FER: variants seen among roughly 807,000 people sequenced by gnomAD.
FER encodes the protein tyrosine-protein kinase Fer.
Under a neutral mutation model 111.0 loss-of-function variants are expected in FER, and 63 were observed. The ratio of observed to expected loss-of-function variants is 0.57; its 90% CI spans 0.46 to 0.70. The LOEUF (loss-of-function observed/expected upper bound fraction) is 0.70. FER is among the 30% of genes least tolerant of loss of function. FER has a pLI of 0.00. For missense variants in FER, 914 were observed against 954.0 expected (o/e 0.96, Z 0.55); for synonymous variants, 327 against 313.9 (o/e 1.04, Z -0.44).
chr5:109,052,234 A>G, intron 16 of FER: 1 of 1,607,328 alleles, frequency 6.2e-7, no homozygotes, highest in South Asian at 1.1e-5. Flanking sequence ...CCAGAAGCGC[A>G]CATGAGAGAT....
intron 5 of FER, among the ~76,000 whole-genome samples, chr5:108,856,848 A>C (rs188059368): frequency 6.6e-6 from 1 of 152,210 alleles, no homozygotes; most frequent in Non-Finnish European, 1.5e-5. Flanking sequence ...AATTAAAACT[A>C]AATTTTCTTT....
At chr5:108,884,995 C>G (rs905754643) in intron 9 of FER, among the ~76,000 whole-genome samples, 1 of 151,968 alleles carries the variant, frequency 6.6e-6, no homozygotes, top group African/African-American at 2.4e-5. Context: ...TTAATCCTCT[C>G]TTTCTGGCCA....
chr5:108,820,330 C>T (rs925557414), intron 3 of FER: 14 of 985,166 alleles, frequency 1.4e-5, no homozygotes, highest in Non-Finnish European at 1.4e-5. Context: ...GTATTTTATT[C>T]AATGCTTAAT....
chr5:108,822,286 C>T (rs1758930132), intron 3 of FER, among the ~76,000 whole-genome samples: 1 of 151,980 alleles, frequency 6.6e-6, no homozygotes, highest in African/African-American at 2.4e-5. Context: ...AGGGTTGTTC[C>T]TATATCTTGC....
intron 10 of FER, among the ~76,000 whole-genome samples, chr5:108,944,367 G>A (rs538640907): frequency 3.3e-5 from 5 of 152,002 alleles, no homozygotes; most frequent in African/African-American, 1.2e-4. Context: ...TACCTCCATT[G>A]TGAGGGGCCA....
At chr5:108,942,514 A>G (rs999006754) in intron 10 of FER, among the ~76,000 whole-genome samples, 6 of 152,196 alleles carry the variant, frequency 3.9e-5, no homozygotes, top group Non-Finnish European at 5.9e-5. Context: ...CTGAGTTACT[A>G]GAGAGTGAAT....
chr5:109,040,627 G>A (rs1330640275), intron 14 of FER, among the ~76,000 whole-genome samples: 2 of 152,106 alleles, frequency 1.3e-5, no homozygotes, highest in South Asian at 2.1e-4. Flanking sequence ...GAGAATTAGC[G>A]ATAGCAAAGA....
chr5:108,784,717 C>T (rs968054152), intron 2 of FER, among the ~76,000 whole-genome samples: 9 of 152,142 alleles, frequency 5.9e-5, no homozygotes, highest in Admixed American at 1.3e-4. Context: ...GTATTCCTTA[C>T]GGGAAACAAA....
chr5:108,881,142 A>G (rs944942091), intron 8 of FER, among the ~76,000 whole-genome samples: 10 of 152,210 alleles, frequency 6.6e-5, no homozygotes, highest in African/African-American at 9.6e-5. Context: ...GTGCACTCAC[A>G]TATAAACACA....
intron 5 of FER, among the ~76,000 whole-genome samples, chr5:108,849,102 A>G (rs1223435002): frequency 6.6e-6 from 1 of 152,068 alleles, no homozygotes; most frequent in Admixed American, 6.5e-5. Flanking sequence ...AAGCAATTCT[A>G]TCATGATTTA....
At chr5:109,091,143 C>G (rs1307611147) in intron 16 of FER, among the ~76,000 whole-genome samples, 5 of 152,180 alleles carry the variant, frequency 3.3e-5, no homozygotes, top group Non-Finnish European at 2.9e-5. Context: ...AGAGGCTATT[C>G]ATCAAAACAA....
At chr5:109,014,816 T>C (rs954028420) in intron 13 of FER, 10 of 152,302 alleles carry the variant, frequency 6.6e-5, no homozygotes, top group African/African-American at 2.4e-4. Context: ...TAAGTTGGAT[T>C]CCTAGGTATT....
chr5:109,146,503 T>C (rs922165155), intron 17 of FER, among the ~76,000 whole-genome samples: 5 of 151,582 alleles, frequency 3.3e-5, no homozygotes, highest in Non-Finnish European at 7.4e-5. Flanking sequence ...TATCCACATT[T>C]CCTCTGTTAT....
intron 18 of FER, among the ~76,000 whole-genome samples, chr5:109,185,292 G>A (rs1439494017): frequency 2.6e-5 from 4 of 152,272 alleles, no homozygotes; most frequent in South Asian, 4.1e-4. Flanking sequence ...ATTTAAAGAC[G>A]TTTTTGTTAG....
At chr5:109,112,685 T>G (rs774546900) in intron 17 of FER, among the ~76,000 whole-genome samples, 13 of 152,308 alleles carry the variant, frequency 8.5e-5, no homozygotes, top group Middle Eastern at 3.4e-3. Context: ...AGTTTTCTTG[T>G]CTTTATGAGG....
intron 8 of FER, among the ~76,000 whole-genome samples, 198 bp downstream of exon 8, chr5:108,872,410 G>C (rs1374466918): frequency 6.6e-6 from 1 of 152,018 alleles, no homozygotes; most frequent in Non-Finnish European, 1.5e-5. Flanking sequence ...TCAAAGTTCT[G>C]TGTGATGTTA....
chr5:108,880,680 A>T (rs976968309), intron 8 of FER, among the ~76,000 whole-genome samples: 2 of 152,026 alleles, frequency 1.3e-5, no homozygotes, highest in Admixed American at 1.3e-4. Context: ...TATCTCCATG[A>T]TATTCAAAAA....
intron 17 of FER, among the ~76,000 whole-genome samples, chr5:109,115,815 C>T (rs1256301185): frequency 6.6e-6 from 1 of 151,968 alleles, no homozygotes; most frequent in African/African-American, 2.4e-5. Context: ...TATAAAAAAT[C>T]ACTTACACAA....
At chr5:109,036,234 A>T (rs1007929031) in intron 13 of FER, among the ~76,000 whole-genome samples, 9 of 152,038 alleles carry the variant, frequency 5.9e-5, no homozygotes, top group Non-Finnish European at 1.5e-5. Flanking sequence ...CCACTTGATC[A>T]TGACGTTATC....
Sources: allele counts gnomAD v4.1 joint callset (sites outside exome capture counted in the v4.1 genomes callset), GRCh38; gene constraint gnomAD v4.1.1; transcripts MANE v1.5; gene names NCBI Gene and HGNC (gene_info 2026-07-23, HGNC 2026-07-21).